RBFOX1: variants seen among roughly 807,000 people sequenced by gnomAD.
RBFOX1 encodes the protein RNA binding fox-1 homolog 1.
RBFOX1 carries 8 observed loss-of-function variants against 57.7 expected under a neutral mutation model. The observed-to-expected ratio is 0.14, with a 90% confidence interval of 0.08 to 0.25. The LOEUF is 0.25. Among genes scored for constraint, RBFOX1 ranks in the 10% least tolerant of loss-of-function variants. RBFOX1 has a pLI of 1.00. For missense variants in RBFOX1, 611 were observed against 548.5 expected, an observed-to-expected ratio of 1.11 and a Z score of -1.14; for synonymous variants, 326 against 222.4, an observed-to-expected ratio of 1.47 and a Z score of -4.15.
intron 2 of RBFOX1, among the ~76,000 whole-genome samples, chr16:6,480,392 G>T (rs962967368): frequency 6.6e-6 from 1 of 152,328 alleles, no homozygotes. Context: ...GATGAAGGCA[G>T]TCGTAGCAAC....
chr16:5,274,481 A>G (rs904120052), intron 1 of RBFOX1, among the ~76,000 whole-genome samples: 1 of 152,224 alleles, frequency 6.6e-6, no homozygotes, highest in African/African-American at 2.4e-5. Flanking sequence ...GTGAGCCAAG[A>G]TTGCACCACT....
chr16:6,505,190 G>A (rs952970818), intron 2 of RBFOX1, among the ~76,000 whole-genome samples: 14 of 152,164 alleles, frequency 9.2e-5, no homozygotes, highest in African/African-American at 9.6e-5. Context: ...GGTTGGATTT[G>A]AAGTATTCCT....
At chr16:6,553,797 A>T (rs1367490437) in intron 2 of RBFOX1, among the ~76,000 whole-genome samples, 1 of 152,162 alleles carries the variant, frequency 6.6e-6, no homozygotes, top group Non-Finnish European at 1.5e-5. Flanking sequence ...TAAAGGGTAG[A>T]AGGAATTTCA....
At chr16:5,905,510 T>C (rs2058435926) in intron 4 of RBFOX1, among the ~76,000 whole-genome samples, 1 of 152,066 alleles carries the variant, frequency 6.6e-6, no homozygotes, top group African/African-American at 2.4e-5. Flanking sequence ...CCAGGAGTTT[T>C]TGACCAGCTT....
intron 3 of RBFOX1, among the ~76,000 whole-genome samples, chr16:6,762,109 G>T (rs906361947): frequency 7.9e-5 from 12 of 152,074 alleles, no homozygotes; most frequent in Non-Finnish European, 1.3e-4. Context: ...GAGTTACCTT[G>T]GGAAATTAGC....
chr16:6,807,589 A>T (rs180997181), intron 3 of RBFOX1, among the ~76,000 whole-genome samples: 27 of 152,200 alleles, frequency 1.8e-4, no homozygotes, highest in African/African-American at 6.5e-4. Flanking sequence ...AGCCTGAGGC[A>T]GGCAGATCAC....
chr16:5,374,975 G>T (rs888567850), intron 1 of RBFOX1, among the ~76,000 whole-genome samples: 3 of 151,008 alleles, frequency 2.0e-5, no homozygotes, highest in Non-Finnish European at 4.4e-5. Flanking sequence ...TCCTGGGATA[G>T]GTGAAAGGGA....
chr16:5,799,791 C>A (rs9936581), intron 3 of RBFOX1, among the ~76,000 whole-genome samples: 1 of 152,214 alleles, frequency 6.6e-6, no homozygotes, highest in East Asian at 1.9e-4. Flanking sequence ...TGAGGAGCTT[C>A]TGAATAGCTC....
At chr16:7,170,354 C>G (rs759496371) in intron 4 of RBFOX1, among the ~76,000 whole-genome samples, 3 of 152,084 alleles carry the variant, frequency 2.0e-5, no homozygotes, top group Non-Finnish European at 2.9e-5. Context: ...CTCACTGCCG[C>G]TTGAACTCCT....
intron 10 of RBFOX1, among the ~76,000 whole-genome samples, chr16:7,630,217 G>A (rs2060722891): frequency 6.6e-6 from 1 of 152,114 alleles, no homozygotes. Flanking sequence ...GAGAGGTACA[G>A]TGACTTGCCA....
At chr16:5,425,206 A>G (rs934359720) in intron 1 of RBFOX1, among the ~76,000 whole-genome samples, 1 of 151,520 alleles carries the variant, frequency 6.6e-6, no homozygotes, top group Admixed American at 6.6e-5. Context: ...CCTTGGTTCA[A>G]GTGATTCCCC....
At chr16:7,173,457 C>G (rs1028632836) in intron 4 of RBFOX1, among the ~76,000 whole-genome samples, 4 of 152,054 alleles carry the variant, frequency 2.6e-5, no homozygotes, top group African/African-American at 9.7e-5. Flanking sequence ...GCACTGGTTT[C>G]GAATGTTTTG....
intron 3 of RBFOX1, among the ~76,000 whole-genome samples, chr16:5,638,929 C>T (rs796847500): frequency 5.9e-5 from 9 of 152,306 alleles, no homozygotes; most frequent in African/African-American, 2.2e-4. Flanking sequence ...ACTCAAATGT[C>T]CCCTGCTCTG....
intron 5 of RBFOX1, among the ~76,000 whole-genome samples, chr16:7,571,542 T>C (rs1170152355): frequency 6.6e-6 from 1 of 152,176 alleles, no homozygotes; most frequent in Non-Finnish European, 1.5e-5. Context: ...CTTCAGGAGA[T>C]TAAAGTGCCA....
chr16:5,830,418 T>C (rs1394881490), intron 3 of RBFOX1, among the ~76,000 whole-genome samples: 1 of 151,910 alleles, frequency 6.6e-6, no homozygotes, highest in African/African-American at 2.4e-5. Context: ...TGAATGTGAC[T>C]CAGTGAAAGC....
intron 3 of RBFOX1, among the ~76,000 whole-genome samples, chr16:6,744,103 A>G (rs781326526): frequency 3.3e-5 from 5 of 152,162 alleles, no homozygotes; most frequent in Admixed American, 1.3e-4. Flanking sequence ...CTGATATCAC[A>G]CAAATAGATT....
intron 4 of RBFOX1, among the ~76,000 whole-genome samples, chr16:7,208,633 T>G (rs1264772161): frequency 6.6e-6 from 1 of 152,024 alleles, no homozygotes; most frequent in Non-Finnish European, 1.5e-5. Context: ...GGTAAGAGTT[T>G]CAGAGCAACC....
intron 1 of RBFOX1, among the ~76,000 whole-genome samples, chr16:6,134,085 T>C (rs1435713068): frequency 6.6e-6 from 1 of 151,986 alleles, no homozygotes; most frequent in Non-Finnish European, 1.5e-5. Context: ...TACAGATGTA[T>C]GCCACCATGC....
Position 5,790,849 on chromosome 16 carries a change from G to A in RBFOX1, c.319-76454G>A, listed in dbSNP as rs2054667152. On this transcript the variant is annotated intron_variant, in intron 3 of 19. Coordinates refer to the RBFOX1 transcript ENST00000641259. ...TCTGCCCGTTTTGGGGATGTAGATG[G>A]TGGGTCTTTATTTTTTTTTTTTTTG... is the stretch of plus-strand genomic sequence containing the variant. 4.7e-5 allele frequency among the ~76,000 whole-genome samples: 7 copies of A among 149,962 alleles called. No individual in the cohort carries two copies. The South Asian group carries it at 1.5e-3, about 32-fold the overall frequency.
Sources: allele counts gnomAD v4.1 joint callset (sites outside exome capture counted in the v4.1 genomes callset), GRCh38; gene constraint gnomAD v4.1.1; transcripts MANE v1.5; gene names NCBI Gene and HGNC (gene_info 2026-07-23, HGNC 2026-07-21).